SUGCT: variants seen among roughly 807,000 people sequenced by gnomAD.
SUGCT encodes the protein succinyl-CoA:glutarate CoA-transferase.
Under a neutral mutation model 55.0 loss-of-function variants are expected in SUGCT, and 41 were observed. The ratio of observed to expected loss-of-function variants is 0.74; its 90% CI spans 0.58 to 0.97. SUGCT has a LOEUF of 0.97. Among genes scored for constraint, SUGCT ranks in the 50% least tolerant of loss-of-function variants. The pLI is 0.00. For synonymous variants in SUGCT, 187 were observed against 200.4 expected (o/e 0.93, Z 0.56); for missense variants, 568 against 547.8 (o/e 1.04, Z -0.37).
rs186076180 is a variant in SUGCT at position 40,832,357 on chromosome 7, T to C, written c.1154-27959T>C. On this transcript the variant is annotated intron_variant, in intron 13 of 13. Coordinates refer to ENST00000335693, the MANE Select transcript of SUGCT (RefSeq NM_001193313.2). Reference sequence around the variant, plus strand: ...ATTGTGAGTATCATCTAATATCATATTGTTGTGAAAACACTGTGTCCCATT... The same window carrying C: ...ATTGTGAGTATCATCTAATATCATACTGTTGTGAAAACACTGTGTCCCATT... 7.9e-5 allele frequency among the ~76,000 whole-genome samples: 12 copies of C among 152,312 alleles called. No individual in the cohort carries two copies. In the East Asian group the frequency reaches 2.3e-3, roughly 29 times the overall value.
intron 13 of SUGCT, among the ~76,000 whole-genome samples, chr7:40,838,975 G>A (rs1793139272): frequency 7.5e-6 from 1 of 133,772 alleles, no homozygotes; most frequent in South Asian, 2.5e-4. Flanking sequence ...TGTAGGTGTT[G>A]TATTACATCT....
intron 12 of SUGCT, among the ~76,000 whole-genome samples, chr7:40,648,775 T>C (rs1163918915): frequency 6.6e-6 from 1 of 152,206 alleles, no homozygotes; most frequent in African/African-American, 2.4e-5. Context: ...ATGCCAAGGA[T>C]GGCCTGCAAC....
intron 12 of SUGCT, among the ~76,000 whole-genome samples, chr7:40,630,693 A>G (rs1584167036): frequency 6.6e-6 from 1 of 152,328 alleles, no homozygotes; most frequent in East Asian, 1.9e-4. Flanking sequence ...CATGACAGAA[A>G]GACAATATGA....
chr7:40,358,717 A>AAACAACAACAACAAC lies in SUGCT; in HGVS notation c.816+41876_816+41877insCAACAACAACAACAA, dbSNP rs71560193. ...CAACAAGAGCAAAACTCCATCTCAAAAACAACAACAACAATAACAACAACA... is the reference window on the plus strand; with the variant it reads ...CAACAAGAGCAAAACTCCATCTCAAAAACAACAACAACAACAACAACAACAACAATAACAACAACA... On this transcript the variant is annotated intron_variant, in intron 9 of 13. Transcript: ENST00000335693. Among the ~76,000 whole-genome samples the AAACAACAACAACAAC allele has an allele frequency of 9.0e-3, 1,359 of 150,762 alleles. 3 individuals are homozygous for AAACAACAACAACAAC. Among genetic ancestry groups the AAACAACAACAACAAC allele is most frequent in the African/African-American group, 0.014 (554 of 40,912 alleles).
Position 40,650,107 on chromosome 7 carries a change from G to A in SUGCT, c.1090-99327G>A, listed in dbSNP as rs556332176. Among the ~76,000 whole-genome samples, 12 of 152,278 alleles carry A rather than the reference G, an allele frequency of 7.9e-5. No individual in the cohort carries two copies. The East Asian group carries it at 2.1e-3, about 27-fold the overall frequency. The stretch of plus-strand genomic sequence containing the variant: ...TTCCTCATAAGATGTTGGACTAAGG[G>A]CCTCAGTTCTGCACAGGCTCTTGGA... On this transcript the variant is annotated intron_variant, in intron 12 of 13. Coordinates refer to ENST00000335693, the MANE Select transcript of SUGCT (RefSeq NM_001193313.2).
At chr7:40,288,003 C>A (rs1793467527) in intron 8 of SUGCT, among the ~76,000 whole-genome samples, 1 of 152,000 alleles carries the variant, frequency 6.6e-6, no homozygotes, top group Non-Finnish European at 1.5e-5. Flanking sequence ...TATATTGAAC[C>A]AATTTTTCAA....
intron 6 of SUGCT, among the ~76,000 whole-genome samples, chr7:40,203,592 C>T (rs1317867276): frequency 5.3e-5 from 8 of 151,922 alleles, no homozygotes; most frequent in African/African-American, 1.7e-4. Context: ...CTGGCTAACA[C>T]GGTGAAACCC....
rs1793819433 is a variant in SUGCT, at chr7:40,850,950, A to G, written c.1154-9366A>G. On this transcript the variant is annotated intron_variant, in intron 13 of 13. Coordinates refer to ENST00000335693, the MANE Select transcript of SUGCT (RefSeq NM_001193313.2). ...GAAGAAAGGATAACATACATTGAGT[A>G]TTTACTGTGTGCCTGGTACTGTTCT... Among the ~76,000 whole-genome samples the G allele has an allele frequency of 2.6e-5, 4 of 152,194 alleles. No homozygotes were observed. The South Asian group carries it at 8.3e-4, about 31-fold the overall frequency.
At chr7:40,462,515 T>G (rs1347722184) in intron 11 of SUGCT, among the ~76,000 whole-genome samples, 1 of 152,056 alleles carries the variant, frequency 6.6e-6, no homozygotes. Flanking sequence ...AGAGAGAGCG[T>G]CAAGGGAGGG....
At chr7:40,998,810 G>A in the SUGCT span, among the ~76,000 whole-genome samples, 5 of 152,174 alleles carry the variant, frequency 3.3e-5, no homozygotes, top group South Asian at 2.1e-4. Flanking sequence ...TTTTCACTGC[G>A]CCCCTAATGA....
chr7:40,457,385 A>G (rs758420679), intron 10 of SUGCT, among the ~76,000 whole-genome samples: 3 of 152,142 alleles, frequency 2.0e-5, no homozygotes, highest in Non-Finnish European at 2.9e-5. Context: ...TGGAGGTTGC[A>G]GTGAGCTGAG....
chr7:40,307,488 C>T (rs1047133133), intron 8 of SUGCT, among the ~76,000 whole-genome samples: 1 of 152,100 alleles, frequency 6.6e-6, no homozygotes, highest in East Asian at 1.9e-4. Context: ...TGAGTTCAGA[C>T]CCTGGCTTGT....
chr7:40,670,169 C>CAAAAAAAAA (rs34786531), intron 12 of SUGCT, among the ~76,000 whole-genome samples: 105 of 58,146 alleles, frequency 1.8e-3, no homozygotes, highest in Non-Finnish European at 2.5e-3. Context: ...GACTCCATCT[C>CAAAAAAAAA]AAAAAAAAAA....
chr7:40,932,752 C>CTTTTTTTTTT, the SUGCT span, among the ~76,000 whole-genome samples: 1 of 127,822 alleles, frequency 7.8e-6, no homozygotes. Context: ...GCAACCTCTG[C>CTTTTTTTTTT]TTTTTTTTTT....
chr7:40,421,158 C>T (rs544309479), intron 9 of SUGCT, among the ~76,000 whole-genome samples: 18 of 152,274 alleles, frequency 1.2e-4, no homozygotes, highest in African/African-American at 3.8e-4. Context: ...AGAACTGTGA[C>T]GGCTGCTTCT....
chr7:40,439,386 T>G (rs1788375223), intron 9 of SUGCT, among the ~76,000 whole-genome samples: 1 of 151,912 alleles, frequency 6.6e-6, no homozygotes, highest in Admixed American at 6.6e-5. Context: ...ACCACTTTCT[T>G]TCTTATGCAG....
chr7:40,970,833 C>T, the SUGCT span, among the ~76,000 whole-genome samples: 10 of 151,950 alleles, frequency 6.6e-5, no homozygotes, highest in East Asian at 1.9e-3. Context: ...GGGAGAAGGA[C>T]AAGGGGGACA....
intron 13 of SUGCT, among the ~76,000 whole-genome samples, chr7:40,788,401 A>G (rs1404467654): frequency 1.3e-5 from 2 of 152,242 alleles, no homozygotes. Flanking sequence ...GATGCCAACG[A>G]TGAGACTGCA....
At chr7:40,873,063 G>A in the SUGCT span, among the ~76,000 whole-genome samples, 1 of 152,062 alleles carries the variant, frequency 6.6e-6, no homozygotes, top group Non-Finnish European at 1.5e-5. Flanking sequence ...GAAAACCTGC[G>A]GATCTAGAAG....
Sources: gnomAD v4.1 joint callset for allele counts (sites outside exome capture counted in the v4.1 genomes callset) on GRCh38, gnomAD v4.1.1 for gene constraint, MANE v1.5 for transcripts, NCBI Gene and HGNC (gene_info 2026-07-23, HGNC 2026-07-21) for gene names.